Variants in TRH observed in about 807,000 individuals in gnomAD.
TRH encodes TSH-releasing factor.
A neutral mutation model predicts 5.2 loss-of-function variants in TRH; 5 were observed. The observed-to-expected ratio is 0.95, with a 90% CI of 0.50 to 2.00. TRH has a LOEUF of 2.00. TRH is among the 30% of genes most tolerant of loss of function. TRH has a pLI of 0.01. For synonymous variants in TRH, 131 were observed against 128.6 expected, an observed-to-expected ratio of 1.02 and a Z score of -0.13; for missense variants, 318 against 312.8, an observed-to-expected ratio of 1.02 and a Z score of -0.13.
Position 129,975,814 on chromosome 3 carries a change from G to C in TRH, c.-3G>C, listed in dbSNP as rs1383802565. The C allele has an allele frequency of 1.2e-6, 2 of 1,605,358 alleles. No individual in the cohort carries two copies. Among genetic ancestry groups the C allele is most frequent in the Non-Finnish European group, 8.5e-7 (1 of 1,177,338 alleles). Reference sequence around the variant, plus strand: ...CCCTCTGTCCCCTAACCCAGACGCCGCGATGCCCGGCCCTTGGTTGCTGCT... The same window carrying C: ...CCCTCTGTCCCCTAACCCAGACGCCCCGATGCCCGGCCCTTGGTTGCTGCT... On this transcript the variant is annotated 5_prime_UTR_variant, in exon 2 of 3. Coordinates refer to ENST00000302649, the MANE Select transcript of TRH (RefSeq NM_007117.5).
Position 129,977,293 on chromosome 3 carries a change from G to A in TRH, c.*77G>A. ...GTGTGCCCCACCATTCATGACCTCT[G>A]TATTCTCTAGTTAGATCCCTGACCA... On this transcript the variant is annotated 3_prime_UTR_variant, in exon 3 of 3. Transcript: ENST00000302649. 1 of 1,449,244 alleles carries A rather than the reference G, an allele frequency of 6.9e-7. No individual in the cohort carries two copies. The highest frequency in any genetic ancestry group is 9.1e-7 in the Non-Finnish European group (1 of 1,102,260). 89.8% of individuals were successfully genotyped at this position (1,449,244 alleles called of 1,614,324 possible).
rs1466612894 is a variant in TRH, at chr3:129,977,005, A to G, written c.518A>G (p.Glu173Gly). 6.2e-7 allele frequency: 1 copy of G among 1,613,382 alleles called. No individual in the cohort carries two copies. The highest frequency in any genetic ancestry group is 1.3e-5 in the African/African-American group (1 of 74,708). ...AQRSWEEEEE[E>G]EEREEDLMPE... ...AGGAGCTGGGAAGAAGAGGAGGAGG[A>G]GGAAGAGAGAGAGGAAGACCTGATG... The change falls in exon 3 of 3, where the codon GAG (glutamate) becomes GGG (glycine). Residue 173 changes from glutamate (E) to glycine (G), a missense_variant. By Grantham distance (98) the Glu-to-Gly change is moderately conservative. Coordinates refer to ENST00000302649, the MANE Select transcript of TRH (RefSeq NM_007117.5).
At chr3:129,976,579 TGCCTCTGAGTGGGA>T in intron 2 of TRH, 106 bp from the exon 3 acceptor site, 1 of 1,144,834 alleles carries the variant, frequency 8.7e-7, no homozygotes, top group Non-Finnish European at 1.2e-6. Flanking sequence ...TGCAAGACCA[TGCCTCTGAGTGGGA>T]GCTGCAGGAA....
Position 129,977,138 on chromosome 3 carries a change from T to G in TRH, c.651T>G (p.Ser217Arg). 2 of 1,534,470 alleles carry G rather than the reference T, an allele frequency of 1.3e-6. No homozygotes were observed. The highest frequency in any genetic ancestry group is 1.7e-6 in the Non-Finnish European group (2 of 1,144,726). The change falls in exon 3 of 3, where the codon AGT (serine) becomes AGG (arginine). Residue 217 changes from serine to arginine, a missense_variant. Physicochemically the swap from Ser to Arg is moderately radical, Grantham distance 110 (BLOSUM62 -1). Coordinates refer to ENST00000302649, the MANE Select transcript of TRH (RefSeq NM_007117.5). The part of the protein sequence containing the change: ...GLLLGLLDDL[S>R]RSQGAEEKRQ... ...TGCTGGGGCTCCTGGATGACCTGAG[T>G]AGGAGCCAGGGAGCTGAGGAAAAGC...
chr3:129,975,775 G>T, intron 1 of TRH, 34 bp from the exon 2 acceptor site: 1 of 1,548,582 alleles, frequency 6.5e-7, no homozygotes, highest in South Asian at 1.2e-5. Context: ...GCTGTGATTC[G>T]GTGCGCTCAG....
intron 1 of TRH, among the ~76,000 whole-genome samples, 196 bp from the exon 2 acceptor site, chr3:129,975,613 C>A (rs1475003348): frequency 6.6e-6 from 1 of 152,210 alleles, no homozygotes; most frequent in Non-Finnish European, 1.5e-5. Context: ...GGGGCGAGGA[C>A]GCCTAGAGGT....
At chr3:129,975,733 TGGCGGGCGTC>T in intron 1 of TRH, 66 bp from the exon 2 acceptor site, 1 of 1,427,902 alleles carries the variant, frequency 7.0e-7, no homozygotes, top group Non-Finnish European at 9.4e-7. Context: ...GGTTTGTTTC[TGGCGGGCGTC>T]GGGGGAGATG....
intron 2 of TRH, among the ~76,000 whole-genome samples, chr3:129,976,234 TCA>T (rs2062543045): frequency 2.0e-5 from 3 of 152,248 alleles, no homozygotes; most frequent in Non-Finnish European, 4.4e-5. Flanking sequence ...TGGGAATATT[TCA>T]CAGAGAGCAG....
Position 129,977,207 on chromosome 3 carries a change from G to A in TRH, c.720G>A (p.Leu240=), listed in dbSNP as rs925428344. 6 of 1,517,514 alleles carry A rather than the reference G, an allele frequency of 4.0e-6. No homozygotes were observed. Among genetic ancestry groups the A allele is most frequent in the Non-Finnish European group, 5.3e-6 (6 of 1,135,836 alleles). 94.0% of individuals were successfully genotyped at this position (1,517,514 alleles called of 1,614,324 possible). A position where few individuals can be genotyped will look rare whatever the true frequency, so the allele number is the denominator to read the frequency against. The change falls in exon 3 of 3, where the codon CTG becomes CTA. Residue 240 remains leucine, a synonymous_variant. Transcript: ENST00000302649. ...GRRAAWVREP[L]EE is the part of the protein sequence containing the mutation. The stretch of plus-strand genomic sequence containing the variant: ...GGGCAGCCTGGGTCAGAGAGCCCCT[G>A]GAGGAGTGAACCCAGTTTTCCCTGA...
chr3:129,975,805 C>T lies in TRH; in HGVS notation c.-8-4C>T. The T allele has an allele frequency of 1.2e-6, 2 of 1,601,444 alleles. No homozygotes were observed. Among genetic ancestry groups the T allele is most frequent in the Non-Finnish European group, 1.7e-6 (2 of 1,175,652 alleles). On this transcript the variant is annotated splice_region_variant and splice_polypyrimidine_tract_variant and intron_variant, in intron 1 of 2. Transcript: ENST00000302649. ...GCTCAGGCTCCCTCTGTCCCCTAAC[C>T]CAGACGCCGCGATGCCCGGCCCTTG...
Position 129,977,082 on chromosome 3 carries a change from C to A in TRH, c.595C>A (p.Pro199Thr). 1 of 1,594,172 alleles carries A rather than the reference C, an allele frequency of 6.3e-7. No homozygotes were observed. The highest frequency in any genetic ancestry group is 8.5e-7 in the Non-Finnish European group (1 of 1,170,330). The change falls in exon 3 of 3, where the codon CCC becomes ACC. Residue 199 changes from proline to threonine, a missense_variant. Physicochemically the swap from Pro to Thr is conservative, Grantham distance 38 (BLOSUM62 -1). Coordinates refer to ENST00000302649, the MANE Select transcript of TRH (RefSeq NM_007117.5). ...GKRALGGPCG[P>T]QGAYGQAGLL... ...GAGGGCCCTGGGAGGCCCCTGTGGG[C>A]CCCAGGGAGCCTATGGTCAAGCGGG...
chr3:129,975,678 G>T, intron 1 of TRH, 131 bp from the exon 2 acceptor site: 1 of 1,000,132 alleles, frequency 1.0e-6, no homozygotes, highest in Non-Finnish European at 1.4e-6. Flanking sequence ...GCCCCTGCAC[G>T]AGGGGCAGTG....
chr3:129,974,999 C>T (rs975481515), intron 1 of TRH, among the ~76,000 whole-genome samples, 176 bp downstream of exon 1: 4 of 152,110 alleles, frequency 2.6e-5, no homozygotes, highest in African/African-American at 9.7e-5. Context: ...GCCGGGGACC[C>T]GACGGGAGGC....
At chr3:129,975,712 G>T in intron 1 of TRH, 97 bp from the exon 2 acceptor site, 2 of 1,307,000 alleles carry the variant, frequency 1.5e-6, no homozygotes, top group South Asian at 1.5e-5. Context: ...GAGGGCGGTT[G>T]AACTGTGCGT....
Position 129,977,482 on chromosome 3 carries a change from C to G in TRH, c.*266C>G. 2.1e-5 allele frequency: 7 copies of G among 333,300 alleles called. No individual in the cohort carries two copies. The highest frequency in any genetic ancestry group is 2.3e-4 in the South Asian group (2 of 8,888). The allele number at this position is 333,300 out of a possible 1,614,324, so 20.6% of individuals were successfully genotyped here. A position where few individuals can be genotyped will look rare whatever the true frequency, so the allele number is the denominator to read the frequency against. On this transcript the variant is annotated 3_prime_UTR_variant, in exon 3 of 3. Transcript: ENST00000302649. ...GGGCAGATCCCAGAGCCCCTCTCACCCCCCCCACCACAGGCCTGCTCCTTC... is the reference window on the plus strand; with the variant it reads ...GGGCAGATCCCAGAGCCCCTCTCACGCCCCCCACCACAGGCCTGCTCCTTC...
chr3:129,975,036 G>A (rs2108061702), intron 1 of TRH, among the ~76,000 whole-genome samples: 1 of 152,264 alleles, frequency 6.6e-6, no homozygotes, highest in African/African-American at 2.4e-5. Flanking sequence ...GGAGGCTCTC[G>A]CTGCTGGGCA....
At position 129,977,491 on chromosome 3, in the gene TRH, C is replaced by CGAGATCT; in HGVS notation, c.*275_*276insGAGATCT. On this transcript the variant is annotated 3_prime_UTR_variant, in exon 3 of 3. Coordinates refer to ENST00000302649, the MANE Select transcript of TRH (RefSeq NM_007117.5). ...CCAGAGCCCCTCTCACCCCCCCCAC[C>CGAGATCT]ACAGGCCTGCTCCTTCCTTAGCCTT... is the stretch of plus-strand genomic sequence containing the variant. 7 of 322,342 alleles carry CGAGATCT rather than the reference C, an allele frequency of 2.2e-5. No individual in the cohort carries two copies. The highest frequency in any genetic ancestry group is 2.3e-4 in the South Asian group (2 of 8,800). The allele number at this position is 322,342 out of a possible 1,614,324, so 20.0% of individuals were successfully genotyped here.
rs780312597 is a variant in TRH, at chr3:129,977,191, G to C, written c.704G>C (p.Trp235Ser). The change falls in exon 3 of 3, where the codon TGG becomes TCG. Residue 235 changes from tryptophan to serine, a missense_variant. Trp to Ser is a radical substitution (Grantham distance 177). Coordinates refer to ENST00000302649, the MANE Select transcript of TRH (RefSeq NM_007117.5). The stretch of plus-strand genomic sequence containing the variant: ...CAGCACCCTGGTCGGCGGGCAGCCT[G>C]GGTCAGAGAGCCCCTGGAGGAGTGA... ...KRQHPGRRAAWVREPLEE is the reference protein window; with the variant it reads ...KRQHPGRRAASVREPLEE 5.3e-6 allele frequency: 8 copies of C among 1,518,900 alleles called. No individual in the cohort carries two copies. The Admixed American group carries it at 1.8e-4, about 34-fold the overall frequency. The allele number at this position is 1,518,900 out of a possible 1,614,324, so 94.1% of individuals were successfully genotyped here.
intron 2 of TRH, 39 bp from the exon 3 acceptor site, chr3:129,976,660 T>C (rs772858139): frequency 1.9e-6 from 3 of 1,567,564 alleles, no homozygotes; most frequent in African/African-American, 1.4e-5. Context: ...GCCTATTACA[T>C]GGGTCAGGGG....
Sources: allele counts gnomAD v4.1 joint callset (sites outside exome capture counted in the v4.1 genomes callset), GRCh38; gene constraint gnomAD v4.1.1; transcripts MANE v1.5; gene names NCBI Gene and HGNC (gene_info 2026-07-23, HGNC 2026-07-21).